PIK3CD: variants seen among roughly 807,000 people sequenced by gnomAD.
PIK3CD encodes phosphatidylinositol 4,5-bisphosphate 3-kinase catalytic subunit delta isoform.
In PIK3CD, 20 loss-of-function variants were observed where a neutral mutation model predicts 122.9. That is an observed-to-expected ratio of 0.16 (90% CI 0.11 to 0.24). PIK3CD has a LOEUF of 0.24. Ranked by LOEUF, PIK3CD falls within the 10% of genes least tolerant of loss-of-function variation. The pLI, the probability that PIK3CD is intolerant of heterozygous loss-of-function variation, is 1.00. For synonymous variants in PIK3CD, 596 were observed against 593.4 expected (o/e 1.00, Z -0.06); for missense variants, 787 against 1,406.3 (o/e 0.56, Z 7.04).
At chr1:9,661,230 C>T (rs554096029) in intron 1 of PIK3CD, among the ~76,000 whole-genome samples, 129 of 152,112 alleles carry the variant, frequency 8.5e-4, no homozygotes, top group African/African-American at 2.9e-3. Context: ...CCACCGTGCC[C>T]GGCCACGCCC....
chr1:9,716,670 G>A, intron 6 of PIK3CD, 51 bp downstream of exon 6: 1 of 1,520,162 alleles, frequency 6.6e-7, no homozygotes, highest in Non-Finnish European at 8.9e-7. Context: ...CCCTGGATAG[G>A]GCCTGGGTGG....
chr1:9,635,159 C>T, the PIK3CD span, among the ~76,000 whole-genome samples: 3 of 151,864 alleles, frequency 2.0e-5, no homozygotes, highest in Non-Finnish European at 4.4e-5. Flanking sequence ...CCTGTAATCC[C>T]AGTTACTCAG....
At chr1:9,680,569 A>C (rs1411335243) in intron 1 of PIK3CD, 1 of 159,476 alleles carries the variant, frequency 6.3e-6, no homozygotes, top group African/African-American at 2.4e-5. Context: ...TTCTGTCTCT[A>C]TGGATTTGCC....
At chr1:9,666,227 C>CTTTTTTT (rs573382597) in intron 1 of PIK3CD, among the ~76,000 whole-genome samples, 566 of 44,214 alleles carry the variant, frequency 0.013, 137 homozygotes, top group East Asian at 0.12. Flanking sequence ...CGCGCCCGGT[C>CTTTTTTT]TTTTTTTTTT....
intron 1 of PIK3CD, chr1:9,654,013 G>A (rs1391155152): frequency 7.7e-7 from 1 of 1,305,548 alleles, no homozygotes; most frequent in East Asian, 5.4e-5. Flanking sequence ...CAAGGTTGCA[G>A]TAAGCTATTA....
At chr1:9,638,719 G>T in the PIK3CD span, among the ~76,000 whole-genome samples, 1 of 111,164 alleles carries the variant, frequency 9.0e-6, no homozygotes, top group African/African-American at 3.9e-5. Flanking sequence ...GTGACAGAGC[G>T]AGACTCCTTC....
chr1:9,645,514 A>G, the PIK3CD span, among the ~76,000 whole-genome samples: 1 of 151,920 alleles, frequency 6.6e-6, no homozygotes, highest in African/African-American at 2.4e-5. Context: ...GCTGGAGTGC[A>G]ATGGCATGAT....
chr1:9,691,624 T>A (rs2100464927), intron 2 of PIK3CD, 53 bp downstream of exon 2: 1 of 398,224 alleles, frequency 2.5e-6, no homozygotes, highest in African/African-American at 2.1e-5. Context: ...GAGATGTTAT[T>A]TTGTAGATAG....
At chr1:9,681,652 T>TGG (rs1645757098) in intron 1 of PIK3CD, among the ~76,000 whole-genome samples, 3 of 152,170 alleles carry the variant, frequency 2.0e-5, no homozygotes, top group Admixed American at 2.0e-4. Context: ...TCTGCTCGCC[T>TGG]CCCCGCCTCG....
At chr1:9,666,175 A>T (rs1232767630) in intron 1 of PIK3CD, among the ~76,000 whole-genome samples, 1 of 114,118 alleles carries the variant, frequency 8.8e-6, no homozygotes, top group African/African-American at 3.5e-5. Flanking sequence ...TGATCCACCC[A>T]CCTCAGCCTC....
At chr1:9,635,018 G>A in the PIK3CD span, among the ~76,000 whole-genome samples, 4 of 152,114 alleles carry the variant, frequency 2.6e-5, no homozygotes, top group South Asian at 2.1e-4. Context: ...TACACCAGAC[G>A]AGGTGGCTCA....
In PIK3CD at chr1:9,717,080, C is replaced by G. The variant is rs1350137252; in HGVS notation, c.902C>G (p.Ala301Gly). ...GCCCCCCAGGTCCAGAAACCGCGTG[C>G]CAAACCACCTCCCATTCCTGCGAAG... is the stretch of plus-strand genomic sequence containing the variant. ...NPAPQVQKPR[A>G]KPPPIPAKKP... The change falls in exon 7 of 24, where the codon GCC becomes GGC. Residue 301 changes from alanine to glycine, a missense_variant. Transcript: ENST00000377346. This position sits in a 1 kb window ranked among gnomAD's most constrained non-coding sequence, Gnocchi z 5.4. 6.2e-7 allele frequency: 1 copy of G among 1,614,002 alleles called. No individual in the cohort carries two copies. Among genetic ancestry groups the G allele is most frequent in the Non-Finnish European group, 8.5e-7 (1 of 1,180,036 alleles).
chr1:9,658,654 C>T (rs997371639), intron 1 of PIK3CD, among the ~76,000 whole-genome samples: 4 of 151,604 alleles, frequency 2.6e-5, no homozygotes, highest in Non-Finnish European at 5.9e-5. Context: ...CTCAGCCTCC[C>T]GAGTAGCTGA....
intron 1 of PIK3CD, among the ~76,000 whole-genome samples, chr1:9,682,031 C>A (rs771860349): frequency 8.6e-5 from 13 of 152,038 alleles, no homozygotes; most frequent in South Asian, 8.3e-4. Flanking sequence ...CTCCTGAGTT[C>A]AAGTGATCTT....
In PIK3CD at chr1:9,716,463, C is replaced by T. The variant is rs1343603601; in HGVS notation, c.624C>T (p.Ser208=). ...GSEESFTFQV[S]TKDVPLALMA... ...AGGAGAGCTTCACCTTCCAGGTGTC[C>T]ACCAAGGACGTGCCGCTGGCGCTGA... Residue 208 remains serine (S), a synonymous_variant, in exon 6 of 24, where the codon TCC becomes TCT. Coordinates refer to ENST00000377346, the MANE Select transcript of PIK3CD (RefSeq NM_005026.5). 1 of 1,611,106 alleles carries T rather than the reference C, an allele frequency of 6.2e-7. No homozygotes were observed. The highest frequency in any genetic ancestry group is 1.1e-5 in the South Asian group (1 of 90,994).
At chr1:9,688,914 G>A (rs1646077571) in intron 1 of PIK3CD, among the ~76,000 whole-genome samples, 1 of 152,170 alleles carries the variant, frequency 6.6e-6, no homozygotes, top group Non-Finnish European at 1.5e-5. Context: ...CACACCGCCC[G>A]TTGTAATGGA....
upstream of PIK3CD, among the ~76,000 whole-genome samples, chr1:9,651,281 T>C (rs1013367730): frequency 2.6e-5 from 4 of 152,184 alleles, no homozygotes; most frequent in Admixed American, 6.5e-5. Flanking sequence ...CACGCTGGTC[T>C]CCCATAGTCA....
chr1:9,710,443 G>A lies in PIK3CD; in HGVS notation c.-13G>A, dbSNP rs373376511. On this transcript the variant is annotated 5_prime_UTR_variant, in exon 3 of 24. Transcript: ENST00000377346. This position sits in a 1 kb window ranked among gnomAD's most constrained non-coding sequence, Gnocchi z 4.7. ...TTTTAGGACAACTGTCATCTGGGAA[G>A]TAACAACGCAGGATGCCCCCTGGGG... 9.2e-5 allele frequency: 148 copies of A among 1,613,990 alleles called. No individual in the cohort carries two copies. In the African/African-American group the frequency reaches 1.9e-3, roughly 20 times the overall value.
At chr1:9,649,866 AG>A (rs1305871670), upstream of PIK3CD, among the ~76,000 whole-genome samples, 2 of 152,186 alleles carry the variant, frequency 1.3e-5, no homozygotes, top group African/African-American at 2.4e-5. Flanking sequence ...GGGCTGAGCA[AG>A]GAGGGACTTA....
Sources: gnomAD v4.1 joint callset for allele counts (sites outside exome capture counted in the v4.1 genomes callset) on GRCh38, gnomAD v4.1.1 for gene constraint, Gnocchi (gnomAD v3.1) non-coding constraint, MANE v1.5 for transcripts, NCBI Gene and HGNC (gene_info 2026-07-23, HGNC 2026-07-21) for gene names.